The following PUDP variants were observed in gnomAD, a reference collection of about 807,000 sequenced individuals.
The protein encoded by PUDP is pseudouridine 5'-phosphatase.
Under a neutral mutation model 9.4 loss-of-function variants are expected in PUDP, and 8 were observed. That is an observed-to-expected ratio of 0.85 (90% CI 0.50 to 1.53). PUDP has a LOEUF of 1.53. Among genes scored for constraint, PUDP ranks in the 40% most tolerant of loss-of-function variants. The pLI is 0.00. For missense variants in PUDP, 188 were observed against 189.7 expected (o/e 0.99, Z 0.05); for synonymous variants, 99 against 80.7 (o/e 1.23, Z -1.22).
rs1931870150 is a variant in PUDP, at chrX:7,105,913, A to T, written c.62-75T>A. The T allele has an allele frequency of 1.0e-5, 7 of 685,895 alleles. No individual in the cohort carries two copies. The South Asian group carries it at 1.7e-4, about 17-fold the overall frequency. The allele number at this position is 685,895 out of a possible 1,213,427, so 56.5% of individuals were successfully genotyped here. A position where few individuals can be genotyped will look rare whatever the true frequency, so the allele number is the denominator to read the frequency against. ...AAGTTTGTATCAGGTCCGCATAAACATACACTGTGTAGGTCTCATTCCATG... is the reference window on the plus strand; with the variant it reads ...AAGTTTGTATCAGGTCCGCATAAACTTACACTGTGTAGGTCTCATTCCATG... On this transcript the variant is annotated intron_variant, in intron 1 of 3. Transcript: ENST00000381077.
chrX:6,801,447 G>C (rs187393937), intron 3 of PUDP, among the ~76,000 whole-genome samples: 1 of 112,384 alleles, frequency 8.9e-6, no homozygotes, highest in Non-Finnish European at 1.9e-5. Flanking sequence ...CAAAGGAGTA[G>C]GGTTCGGAAA....
chrX:6,783,257 G>A (rs1925593687), intron 3 of PUDP, among the ~76,000 whole-genome samples: 1 of 111,878 alleles, frequency 8.9e-6, no homozygotes, highest in South Asian at 3.7e-4. Context: ...ACAAACCCTT[G>A]TAGCAGAGCA....
At chrX:6,748,547 T>G (rs1472359697) in intron 3 of PUDP, among the ~76,000 whole-genome samples, 1 of 111,358 alleles carries the variant, frequency 9.0e-6, no homozygotes, top group Non-Finnish European at 1.9e-5. Flanking sequence ...GAGGAGAGCA[T>G]GCTGTTTGAA....
At chrX:6,777,805 C>T (rs1925490019) in intron 3 of PUDP, among the ~76,000 whole-genome samples, 1 of 111,390 alleles carries the variant, frequency 9.0e-6, no homozygotes. Context: ...ATAGCAAGGT[C>T]TATACTTACA....
intron 3 of PUDP, among the ~76,000 whole-genome samples, chrX:6,927,607 AG>A (rs1403366260): frequency 8.9e-6 from 1 of 111,820 alleles, no homozygotes; most frequent in Non-Finnish European, 1.9e-5. Flanking sequence ...TGGGATGTGT[AG>A]GGAGCCTTAG....
At chrX:6,826,684 A>G (rs1926427783) in intron 3 of PUDP, among the ~76,000 whole-genome samples, 1 of 112,381 alleles carries the variant, frequency 8.9e-6, no homozygotes, top group Non-Finnish European at 1.9e-5. Flanking sequence ...TTCAGCAACA[A>G]GTTATAGGTC....
At chrX:7,031,800 T>A (rs761025665) in intron 1 of PUDP, among the ~76,000 whole-genome samples, 2 of 112,267 alleles carry the variant, frequency 1.8e-5, no homozygotes, top group Admixed American at 1.9e-4. Context: ...TAAATTAAGA[T>A]TAACTGAGAT....
intron 3 of PUDP, among the ~76,000 whole-genome samples, chrX:6,769,552 A>G (rs754098417): frequency 2.7e-5 from 3 of 112,168 alleles, no homozygotes; most frequent in African/African-American, 3.2e-5. Flanking sequence ...AATTCAGAAC[A>G]CAAAAACCAG....
chrX:7,118,511 C>T (rs777485383), intron 1 of PUDP, among the ~76,000 whole-genome samples: 52 of 112,190 alleles, frequency 4.6e-4, no homozygotes, highest in Non-Finnish European at 8.3e-4. Flanking sequence ...TACTGTACTG[C>T]ACCCGTATGA....
At chrX:7,042,820 G>A (rs1191388682) in intron 1 of PUDP, among the ~76,000 whole-genome samples, 1 of 111,591 alleles carries the variant, frequency 9.0e-6, no homozygotes, top group Non-Finnish European at 1.9e-5. Context: ...ATTAAGTTAG[G>A]TGCCCAGAGC....
intron 3 of PUDP, among the ~76,000 whole-genome samples, chrX:6,741,180 G>A (rs1037546502): frequency 1.9e-5 from 2 of 107,665 alleles, no homozygotes; most frequent in Admixed American, 9.9e-5. Context: ...AAAAAAACTC[G>A]GCAGAGACTG....
At chrX:6,995,521 C>T (rs192808843) in intron 1 of PUDP, among the ~76,000 whole-genome samples, 1 of 110,459 alleles carries the variant, frequency 9.1e-6, no homozygotes, top group East Asian at 2.9e-4. Flanking sequence ...TCCAGGAGTT[C>T]GAGACCAGCC....
At chrX:6,967,390 G>A (rs1928803036) in intron 3 of PUDP, among the ~76,000 whole-genome samples, 1 of 111,587 alleles carries the variant, frequency 9.0e-6, no homozygotes, top group Non-Finnish European at 1.9e-5. Flanking sequence ...TAGGCAGGCT[G>A]CAGCCTCGTC....
intron 3 of PUDP, among the ~76,000 whole-genome samples, chrX:6,802,039 C>T (rs937721971): frequency 1.8e-5 from 2 of 111,882 alleles, no homozygotes; most frequent in Non-Finnish European, 3.8e-5. Context: ...GAAATGAGTT[C>T]TTCCACCAGG....
At chrX:7,108,033 C>T (rs1228950095) in intron 1 of PUDP, among the ~76,000 whole-genome samples, 1 of 112,358 alleles carries the variant, frequency 8.9e-6, no homozygotes, top group East Asian at 2.8e-4. Flanking sequence ...GAATGGTCAT[C>T]TGTGTAGACA....
At chrX:6,997,215 T>C (rs1428832989) in intron 1 of PUDP, among the ~76,000 whole-genome samples, 1 of 112,003 alleles carries the variant, frequency 8.9e-6, no homozygotes, top group Admixed American at 9.5e-5. Flanking sequence ...ATATTAATCA[T>C]AAAATGAAAA....
intron 2 of PUDP, among the ~76,000 whole-genome samples, chrX:7,087,224 A>G (rs1159269920): frequency 8.9e-6 from 1 of 112,041 alleles, no homozygotes; most frequent in Non-Finnish European, 1.9e-5. Context: ...AAGAAAGGAG[A>G]GGGAAATTTG....
chrX:7,119,578 T>C (rs1932285845), intron 1 of PUDP, among the ~76,000 whole-genome samples: 1 of 112,367 alleles, frequency 8.9e-6, no homozygotes, highest in African/African-American at 3.2e-5. Context: ...TTTTGAACTG[T>C]AGAGAAAAAA....
At chrX:6,952,870 C>T (rs1928576116) in intron 3 of PUDP, among the ~76,000 whole-genome samples, 1 of 111,748 alleles carries the variant, frequency 8.9e-6, no homozygotes. Context: ...GAACTGTGAA[C>T]AACAAATGTC....
Sources: allele counts gnomAD v4.1 joint callset (sites outside exome capture counted in the v4.1 genomes callset), GRCh38; gene constraint gnomAD v4.1.1; transcripts MANE v1.5; gene names NCBI Gene and HGNC (gene_info 2026-07-23, HGNC 2026-07-21).